LMBRD2: variants seen among roughly 807,000 people sequenced by gnomAD.
LMBRD2 encodes G protein-coupled receptor-associated protein LMBRD2.
In LMBRD2, 55 loss-of-function variants were observed where a neutral mutation model predicts 94.4. That is an observed-to-expected ratio of 0.58 (90% CI 0.47 to 0.73). The LOEUF (loss-of-function observed/expected upper bound fraction) is 0.73, where lower values mean the gene tolerates loss of function less well. Among genes scored for constraint, LMBRD2 ranks in the 30% least tolerant of loss-of-function variants. The pLI is 0.00. For synonymous variants in LMBRD2, 246 were observed against 272.4 expected, an observed-to-expected ratio of 0.90 and a Z score of 0.95; for missense variants, 640 against 831.9, an observed-to-expected ratio of 0.77 and a Z score of 2.84.
Position 36,100,082 on chromosome 5 carries a change from C to T in LMBRD2, c.*3964G>A, listed in dbSNP as rs946427386. On this transcript the variant is annotated 3_prime_UTR_variant, in exon 18 of 18. Coordinates refer to ENST00000296603, the MANE Select transcript of LMBRD2 (RefSeq NM_001007527.2). The stretch of plus-strand genomic sequence containing the variant: ...CTGAGTTGGAAAGAAGTACCTCATA[C>T]AGATGGGAATTCATATTTTAGAAGG... The T allele has an allele frequency of 2.4e-4, 37 of 152,100 alleles. No homozygotes were observed. The highest frequency in any genetic ancestry group is 8.9e-4 in the African/African-American group (37 of 41,436). 9.4% of individuals were successfully genotyped at this position (152,100 alleles called of 1,614,324 possible). A position where few individuals can be genotyped will look rare whatever the true frequency, so the allele number is the denominator to read the frequency against.
chr5:36,130,232 GAC>G (rs1273169899), intron 6 of LMBRD2, among the ~76,000 whole-genome samples: 1 of 152,006 alleles, frequency 6.6e-6, no homozygotes, highest in Non-Finnish European at 1.5e-5. Context: ...AACTTTTTAA[GAC>G]ACAGATAGTA....
chr5:36,140,687 G>C (rs1484488560), intron 4 of LMBRD2, among the ~76,000 whole-genome samples: 2 of 152,120 alleles, frequency 1.3e-5, no homozygotes, highest in Non-Finnish European at 2.9e-5. Context: ...TGTTGTTGTT[G>C]TTAGGGAGCA....
rs748900540 is a variant in LMBRD2, at chr5:36,104,056, T to A, written c.2078A>T (p.Asn693Ile). Residue 693 changes from asparagine to isoleucine, a missense_variant, in exon 18 of 18, where the codon AAT (asparagine) becomes ATT (isoleucine). Physicochemically the swap from Asn to Ile is moderately radical, Grantham distance 149. Coordinates refer to ENST00000296603, the MANE Select transcript of LMBRD2 (RefSeq NM_001007527.2). ...AAACTTTTTCAGACTTTAAACATCA[T>A]TAAATATGTCACTGCGAGACATCGA... The part of the protein sequence containing the change: ...YLSMSRSDIF[N>I]DV 6.2e-7 allele frequency: 1 copy of A among 1,610,100 alleles called. No homozygotes were observed. Among genetic ancestry groups the A allele is most frequent in the East Asian group, 2.2e-5 (1 of 44,672 alleles).
intron 6 of LMBRD2, among the ~76,000 whole-genome samples, chr5:36,134,140 C>T (rs1302427597): frequency 2.0e-5 from 3 of 151,786 alleles, no homozygotes; most frequent in African/African-American, 4.8e-5. Flanking sequence ...TTTCAAAAGA[C>T]ATAATAACAT....
intron 13 of LMBRD2, 44 bp downstream of exon 13, chr5:36,114,380 T>C: frequency 1.3e-6 from 2 of 1,530,834 alleles, no homozygotes; most frequent in South Asian, 2.6e-5. Context: ...AGAAAGGATA[T>C]CCAGATTTAA....
At chr5:36,122,542 G>C (rs913872796) in intron 8 of LMBRD2, 79 bp from the exon 9 acceptor site, 2 of 1,235,104 alleles carry the variant, frequency 1.6e-6, no homozygotes, top group Non-Finnish European at 2.3e-6. Context: ...AGCATGTTTG[G>C]ATTGTCATAA....
intron 13 of LMBRD2, among the ~76,000 whole-genome samples, chr5:36,113,386 T>G (rs1354475268): frequency 6.6e-6 from 1 of 152,088 alleles, no homozygotes; most frequent in Non-Finnish European, 1.5e-5. Flanking sequence ...GGGATCTCGG[T>G]TTTTGGACAT....
At chr5:36,131,296 A>T (rs1314499182) in intron 6 of LMBRD2, among the ~76,000 whole-genome samples, 1 of 152,120 alleles carries the variant, frequency 6.6e-6, no homozygotes, top group Non-Finnish European at 1.5e-5. Context: ...CCTTTATGAT[A>T]AAAACCCTAA....
In LMBRD2 at chr5:36,122,853, T is replaced by C; in HGVS notation, c.931A>G (p.Lys311Glu). 1 of 1,592,838 alleles carries C rather than the reference T, an allele frequency of 6.3e-7. No individual in the cohort carries two copies. The highest frequency in any genetic ancestry group is 8.5e-7 in the Non-Finnish European group (1 of 1,173,968). ...PSEKSLVKLH[K>E]QVIYSVQRHR... ...CTTATAATTAACAAAGTTACCTGTT[T>C]ATGCAGTTTTACCAGACTTTTTTCA... The change falls in exon 8 of 18, where the codon AAA becomes GAA. Residue 311 changes from lysine to glutamate, a missense_variant. Coordinates refer to ENST00000296603, the MANE Select transcript of LMBRD2 (RefSeq NM_001007527.2).
At chr5:36,131,203 T>C (rs1744142909) in intron 6 of LMBRD2, among the ~76,000 whole-genome samples, 1 of 152,162 alleles carries the variant, frequency 6.6e-6, no homozygotes. Flanking sequence ...ATCAATGTGA[T>C]ATATCATATT....
At chr5:36,136,214 C>T (rs1744265705) in intron 6 of LMBRD2, 95 bp downstream of exon 6, 1 of 1,132,712 alleles carries the variant, frequency 8.8e-7, no homozygotes, top group Non-Finnish European at 1.3e-6. Flanking sequence ...GTCTGAAGCC[C>T]ATCAATGCAC....
Position 36,117,738 on chromosome 5 carries a change from G to A in LMBRD2, c.1299C>T (p.Ile433=), listed in dbSNP as rs187816551. ...GACAGACATAAAATAAACTGACCTC[G>A]ATATAAATATAATTATATGTTTTTT... ...LAEKTYNYIY[I]EIACFLSIFF... The change falls in exon 10 of 18, where the codon ATC becomes ATT. Residue 433 remains isoleucine, a synonymous_variant. Transcript: ENST00000296603. 10 of 1,592,646 alleles carry A rather than the reference G, an allele frequency of 6.3e-6. No homozygotes were observed. In the Admixed American group the frequency reaches 8.7e-5, roughly 14 times the overall value.
chr5:36,107,734 A>T (rs149908168), intron 16 of LMBRD2, among the ~76,000 whole-genome samples: 80 of 152,326 alleles, frequency 5.3e-4, no homozygotes, highest in African/African-American at 1.9e-3. Context: ...GATATGCCAC[A>T]GAGGGAGTCT....
At chr5:36,130,004 A>G (rs759116629) in intron 6 of LMBRD2, among the ~76,000 whole-genome samples, 10 of 152,072 alleles carry the variant, frequency 6.6e-5, no homozygotes, top group Admixed American at 2.0e-4. Context: ...ACATGGACAC[A>G]GGAAGGGGAA....
In LMBRD2 at chr5:36,137,322, C is replaced by G. The variant is rs755470410; in HGVS notation, c.488G>C (p.Gly163Ala). ...TACAGCTACATAAATTAAAAATGCT[C>G]CAAAAATCAGCAAATAGGTGCCATA... ...IYYGTYLLIFGAFLIYVAVNP... is the reference protein window; with the variant it reads ...IYYGTYLLIFAAFLIYVAVNP... The change falls in exon 5 of 18, where the codon GGA (glycine) becomes GCA (alanine). Residue 163 changes from glycine (G) to alanine (A), a missense_variant. Transcript: ENST00000296603. 8 of 1,601,544 alleles carry G rather than the reference C, an allele frequency of 5.0e-6. No homozygotes were observed. In the South Asian group the frequency reaches 9.0e-5, roughly 18 times the overall value.
rs144877168 is a variant in LMBRD2, at chr5:36,107,738, G to A, written c.1897+796C>T. Among the ~76,000 whole-genome samples, 1,009 of 152,228 alleles carry A rather than the reference G, an allele frequency of 6.6e-3. 6 individuals are homozygous for A. The highest frequency in any genetic ancestry group is 0.011 in the Non-Finnish European group (748 of 68,008). On this transcript the variant is annotated intron_variant, in intron 16 of 17. Transcript: ENST00000296603. ...GCATGGATATGGATATGCCACAGAGGGAGTCTTCTCCATGTTTCTATTCCT... is the reference window on the plus strand; with the variant it reads ...GCATGGATATGGATATGCCACAGAGAGAGTCTTCTCCATGTTTCTATTCCT...
At chr5:36,143,142 C>T in intron 2 of LMBRD2, 34 bp downstream of exon 2, 1 of 1,447,362 alleles carries the variant, frequency 6.9e-7, no homozygotes, top group Non-Finnish European at 9.5e-7. Context: ...TAAAATTTGT[C>T]TTTTAAATTG....
chr5:36,112,464 A>G (rs142756481), intron 13 of LMBRD2, among the ~76,000 whole-genome samples: 1,535 of 152,298 alleles, frequency 0.01, 24 homozygotes, highest in African/African-American at 0.035. Flanking sequence ...TAATTATGGC[A>G]GCATTTCAAA....
At chr5:36,117,638 C>A in intron 10 of LMBRD2, 97 bp downstream of exon 10, 1 of 858,220 alleles carries the variant, frequency 1.2e-6, no homozygotes, top group South Asian at 2.8e-5. Flanking sequence ...GAAAACCTCA[C>A]TGCTTTCATT....
Sources: allele counts gnomAD v4.1 joint callset (sites outside exome capture counted in the v4.1 genomes callset), GRCh38; gene constraint gnomAD v4.1.1; transcripts MANE v1.5; gene names NCBI Gene and HGNC (gene_info 2026-07-23, HGNC 2026-07-21).